Variants in KLHL30 observed in about 807,000 individuals in gnomAD.
KLHL30 encodes kelch like family member 30.
In KLHL30, 55 loss-of-function variants were observed where a neutral mutation model predicts 55.0. That is an observed-to-expected ratio of 1.00 (90% CI 0.80 to 1.25). The LOEUF (loss-of-function observed/expected upper bound fraction) is 1.25, where lower values mean the gene tolerates loss of function less well. Among genes scored for constraint, KLHL30 ranks in the 50% most tolerant of loss-of-function variants. The probability of loss-of-function intolerance (pLI) is 0.00; values close to 1 mark genes in which losing one functional copy is unlikely to be tolerated. For missense variants in KLHL30, 786 were observed against 811.6 expected (o/e 0.97, Z 0.38); for synonymous variants, 356 against 372.6 (o/e 0.96, Z 0.51).
intron 7 of KLHL30, among the ~76,000 whole-genome samples, chr2:238,150,462 CA>C (rs1411235943): frequency 7.3e-6 from 1 of 136,998 alleles, no homozygotes; most frequent in African/African-American, 2.5e-5. Context: ...GATTGTCTGC[CA>C]GGGCTGAGCC....
rs917695005 is a variant in KLHL30, at chr2:238,140,744, G to C, written c.-11G>C. 129 of 1,491,930 alleles carry C rather than the reference G, an allele frequency of 8.6e-5. No individual in the cohort carries two copies. The highest frequency in any genetic ancestry group is 1.1e-4 in the Non-Finnish European group (123 of 1,112,882). 92.4% of individuals were successfully genotyped at this position (1,491,930 alleles called of 1,614,324 possible). Reference sequence around the variant, plus strand: ...GTGGGTGGACTACTGAGGTCCCCTGGGCACGGCGTCATGGTGCGGAACGTG... The same window carrying C: ...GTGGGTGGACTACTGAGGTCCCCTGCGCACGGCGTCATGGTGCGGAACGTG... On this transcript the variant is annotated 5_prime_UTR_variant, in exon 2 of 8. Transcript: ENST00000409223.
At chr2:238,145,062 C>T (rs1692623294) in intron 4 of KLHL30, 74 bp downstream of exon 4, 1 of 1,178,144 alleles carries the variant, frequency 8.5e-7, no homozygotes, top group African/African-American at 1.5e-5. Context: ...TCCCCGCACT[C>T]CGTGGGGTCC....
In KLHL30 at chr2:238,145,833, G is replaced by A. The variant is rs766095422; in HGVS notation, c.1150+1G>A. ...AATGGGGAGATCTACGTTATCGGCG[G>A]TGAGGCCTTCCTCTCCACCCTTCCC... On this transcript the variant is annotated splice_donor_variant, in intron 5 of 7. Coordinates refer to ENST00000409223, the MANE Select transcript of KLHL30 (RefSeq NM_198582.4). LOFTEE classifies it high-confidence loss of function. 6.3e-7 allele frequency: 1 copy of A among 1,593,948 alleles called. No homozygotes were observed. Among genetic ancestry groups the A allele is most frequent in the South Asian group, 1.1e-5 (1 of 88,394 alleles).
intron 2 of KLHL30, among the ~76,000 whole-genome samples, chr2:238,142,489 TC>T (rs1387615818): frequency 2.0e-5 from 3 of 152,116 alleles, no homozygotes. Flanking sequence ...AGCCAGCATT[TC>T]CCACTGAGCC....
Position 238,150,890 on chromosome 2 carries a change from G to T in KLHL30, c.1562G>T (p.Arg521Leu). ...LGDALYVTGG[R>L]WQGMEGDYHV... ...GATGCGCTGTACGTGACGGGCGGCC[G>T]CTGGCAGGGCATGGAAGGTGACTAC... Residue 521 changes from arginine to leucine, a missense_variant, in exon 8 of 8, where the codon CGC (arginine) becomes CTC (leucine). Transcript: ENST00000409223. 3 of 1,599,322 alleles carry T rather than the reference G, an allele frequency of 1.9e-6. No homozygotes were observed. Among genetic ancestry groups the T allele is most frequent in the South Asian group, 2.3e-5 (2 of 88,302 alleles).
chr2:238,144,263 C>T (rs1692590803), intron 3 of KLHL30, among the ~76,000 whole-genome samples: 3 of 152,182 alleles, frequency 2.0e-5, no homozygotes, highest in African/African-American at 4.8e-5. Flanking sequence ...GGTTTGCCCA[C>T]GGACACACAG....
chr2:238,149,781 G>A lies in KLHL30; in HGVS notation c.1485+629G>A, dbSNP rs77952472. Among the ~76,000 whole-genome samples, 1,038 of 152,210 alleles carry A rather than the reference G, an allele frequency of 6.8e-3. 15 individuals are homozygous for A. The highest frequency in any genetic ancestry group is 0.023 in the African/African-American group (957 of 41,524). ...TTGTCCTCAGTGCCATCCCACCATG[G>A]CCCACTCTTTGACCATCAGTGCCTG... On this transcript the variant is annotated intron_variant, in intron 7 of 7. Transcript: ENST00000409223.
At chr2:238,146,056 C>G (rs1457584746) in intron 5 of KLHL30, among the ~76,000 whole-genome samples, 1 of 152,106 alleles carries the variant, frequency 6.6e-6, no homozygotes, top group African/African-American at 2.4e-5. Flanking sequence ...CTGGCCAGCT[C>G]CCATTGCCTC....
rs2106313619 is a variant in KLHL30 at position 238,147,300 on chromosome 2, A to G, written c.1151-534A>G. Among the ~76,000 whole-genome samples the G allele has an allele frequency of 6.6e-6, 1 of 152,118 alleles. No individual in the cohort carries two copies. Among genetic ancestry groups the G allele is most frequent in the East Asian group, 1.9e-4 (1 of 5,160 alleles). On this transcript the variant is annotated intron_variant, in intron 5 of 7. Transcript: ENST00000409223. This position sits in a 1 kb window ranked among gnomAD's most constrained non-coding sequence, Gnocchi z 5.8. ...TACCGTGTCCCCAACCAGAGAGCAG[A>G]AAGCACCCAGGGCTCCCGAGCCCAG... is the stretch of plus-strand genomic sequence containing the variant.
At chr2:238,146,134 C>T (rs1282303253) in intron 5 of KLHL30, among the ~76,000 whole-genome samples, 1 of 152,058 alleles carries the variant, frequency 6.6e-6, no homozygotes, top group Non-Finnish European at 1.5e-5. Context: ...CAGGAGCAGC[C>T]AGTGGGGACG....
At chr2:238,144,418 G>GGCAGGAAGGAAT (rs1692603476) in intron 3 of KLHL30, among the ~76,000 whole-genome samples, 1 of 117,150 alleles carries the variant, frequency 8.5e-6, no homozygotes, top group Non-Finnish European at 1.9e-5. Context: ...AAGGAAGGAA[G>GGCAGGAAGGAAT]GAAGGAAGGA....
In KLHL30 at chr2:238,144,406, G is replaced by T. The variant is rs149658216; in HGVS notation, c.908-496G>T. ...AGGAAGGAAGGAAGGAAGGAAGGAA[G>T]GAAGGAAGGAAGGAAGGAAGGAAGG... On this transcript the variant is annotated intron_variant, in intron 3 of 7. Transcript: ENST00000409223. Among the ~76,000 whole-genome samples the T allele has an allele frequency of 3.5e-3, 428 of 122,260 alleles. 1 individual carries two copies. The highest frequency in any genetic ancestry group is 7.9e-3 in the African/African-American group (246 of 31,320). 80.2% of individuals were successfully genotyped at this position (122,260 alleles called of 152,430 possible). A position where few individuals can be genotyped will look rare whatever the true frequency, so the allele number is the denominator to read the frequency against.
rs1237345866 is a variant in KLHL30, at chr2:238,147,505, C to T, written c.1151-329C>T. ...CATCCTCCATTCCAGTTCAGAGCACCCCAGGAAATGACTCCCAGCACATGA... is the reference window on the plus strand; with the variant it reads ...CATCCTCCATTCCAGTTCAGAGCACTCCAGGAAATGACTCCCAGCACATGA... On this transcript the variant is annotated intron_variant, in intron 5 of 7. Coordinates refer to ENST00000409223, the MANE Select transcript of KLHL30 (RefSeq NM_198582.4). This position sits in a 1 kb window ranked among gnomAD's most constrained non-coding sequence, Gnocchi z 5.8. Among the ~76,000 whole-genome samples, 3 of 152,140 alleles carry T rather than the reference C, an allele frequency of 2.0e-5. No individual in the cohort carries two copies. The East Asian group carries it at 5.8e-4, about 29-fold the overall frequency.
rs937632645 is a variant in KLHL30, at chr2:238,140,704, C to T, written c.-51C>T. 1.0e-5 allele frequency: 15 copies of T among 1,455,638 alleles called. No homozygotes were observed. In the Admixed American group the frequency reaches 1.1e-4, roughly 10 times the overall value. 90.2% of individuals were successfully genotyped at this position (1,455,638 alleles called of 1,614,324 possible). ...TCCTAGGAGCTCGGGCGGCTCCAGGCACTTCTTCCCTTGAGTGGGTGGACT... is the reference window on the plus strand; with the variant it reads ...TCCTAGGAGCTCGGGCGGCTCCAGGTACTTCTTCCCTTGAGTGGGTGGACT... On this transcript the variant is annotated 5_prime_UTR_variant, in exon 2 of 8. Transcript: ENST00000409223.
chr2:238,148,954 G>A, intron 6 of KLHL30, 53 bp from the exon 7 acceptor site: 1 of 1,542,280 alleles, frequency 6.5e-7, no homozygotes, highest in Non-Finnish European at 8.7e-7. Flanking sequence ...CACAGTGCTA[G>A]TGCCCGCTCT....
chr2:238,144,438 G>T (rs1289835860), intron 3 of KLHL30, among the ~76,000 whole-genome samples: 3 of 97,534 alleles, frequency 3.1e-5, no homozygotes, highest in South Asian at 2.7e-4. Context: ...AAGGAAGGCA[G>T]GCAGGCAGGC....
Position 238,145,793 on chromosome 2 carries a change from G to C in KLHL30, c.1111G>C (p.Ala371Pro). Reference sequence around the variant, plus strand: ...CATGCTGAAGCCCCGCACCAACCACGCCAGCGCGGCCCTCAATGGGGAGAT... The same window carrying C: ...CATGCTGAAGCCCCGCACCAACCACCCCAGCGCGGCCCTCAATGGGGAGAT... Reference protein sequence around the residue: ...APMLKPRTNHASAALNGEIYV... With the variant: ...APMLKPRTNHPSAALNGEIYV... The change falls in exon 5 of 8, where the codon GCC (alanine) becomes CCC (proline). Residue 371 changes from alanine to proline, a missense_variant. Transcript: ENST00000409223. The C allele has an allele frequency of 6.2e-7, 1 of 1,607,992 alleles. No homozygotes were observed. Among genetic ancestry groups the C allele is most frequent in the Non-Finnish European group, 8.5e-7 (1 of 1,178,060 alleles).
At chr2:238,142,982 G>T in intron 3 of KLHL30, 51 bp downstream of exon 3, 1 of 1,479,382 alleles carries the variant, frequency 6.8e-7, no homozygotes, top group Non-Finnish European at 8.9e-7. Context: ...CTGTCCCAGC[G>T]GGAGCCGCTG....
Position 238,147,677 on chromosome 2 carries a change from G to A in KLHL30, c.1151-157G>A, listed in dbSNP as rs1692671391. Among the ~76,000 whole-genome samples the A allele has an allele frequency of 6.6e-6, 1 of 151,994 alleles. No homozygotes were observed. Among genetic ancestry groups the A allele is most frequent in the Non-Finnish European group, 1.5e-5 (1 of 67,978 alleles). ...CTTCCTGGCGGGGCGGCCTTGGGAG[G>A]TGCCAGCACCTCTCAGAACCTCAGC... On this transcript the variant is annotated intron_variant, in intron 5 of 7. Coordinates refer to ENST00000409223, the MANE Select transcript of KLHL30 (RefSeq NM_198582.4). The surrounding 1 kb of genome is among the most constrained non-coding windows in gnomAD (Gnocchi z 5.8).
Sources: allele counts gnomAD v4.1 joint callset (sites outside exome capture counted in the v4.1 genomes callset), GRCh38; gene constraint gnomAD v4.1.1; non-coding constraint Gnocchi (gnomAD v3.1); transcripts MANE v1.5; gene names NCBI Gene and HGNC (gene_info 2026-07-23, HGNC 2026-07-21).